EHBP1: variants seen among roughly 807,000 people sequenced by gnomAD.
EHBP1 encodes EH domain-binding protein 1.
Under a neutral mutation model 144.0 loss-of-function variants are expected in EHBP1, and 55 were observed. The ratio of observed to expected loss-of-function variants is 0.38; its 90% CI spans 0.31 to 0.48. The LOEUF (loss-of-function observed/expected upper bound fraction) is 0.48, where lower values mean the gene tolerates loss of function less well. EHBP1 is among the 20% of genes least tolerant of loss of function. The probability of loss-of-function intolerance (pLI) is 0.98; values close to 1 mark genes in which losing one functional copy is unlikely to be tolerated. For synonymous variants in EHBP1, 469 were observed against 472.7 expected (o/e 0.99, Z 0.10); for missense variants, 1,200 against 1,364.2 (o/e 0.88, Z 1.90).
intron 5 of EHBP1, among the ~76,000 whole-genome samples, chr2:62,792,234 A>G (rs1435458276): frequency 6.6e-6 from 1 of 152,054 alleles, no homozygotes; most frequent in Non-Finnish European, 1.5e-5. Context: ...ATGTATTTCC[A>G]GTTATGTGAG....
At chr2:62,707,432 C>CT (rs1290512699) in intron 2 of EHBP1, 137 bp downstream of exon 2, 29 of 643,972 alleles carry the variant, frequency 4.5e-5, no homozygotes, top group Non-Finnish European at 7.6e-5. Context: ...GCAGATAACT[C>CT]TAACAAGTAC....
chr2:62,910,841 C>A (rs2054159291), intron 10 of EHBP1, among the ~76,000 whole-genome samples: 1 of 152,152 alleles, frequency 6.6e-6, no homozygotes, highest in Non-Finnish European at 1.5e-5. Flanking sequence ...CTCAGTAATG[C>A]ATATTACCTT....
intron 19 of EHBP1, among the ~76,000 whole-genome samples, chr2:63,035,338 A>G (rs989076188): frequency 6.6e-6 from 1 of 152,066 alleles, no homozygotes; most frequent in Non-Finnish European, 1.5e-5. Flanking sequence ...GTGTCCTTAA[A>G]TATTTCTTAT....
At chr2:62,726,594 A>T (rs1203228266) in intron 2 of EHBP1, 1 of 151,930 alleles carries the variant, frequency 6.6e-6, no homozygotes, top group African/African-American at 2.4e-5. Flanking sequence ...ACTCTTACCC[A>T]TTAGTGTTAG....
At chr2:62,725,688 G>A (rs2036707725) in intron 2 of EHBP1, among the ~76,000 whole-genome samples, 1 of 152,198 alleles carries the variant, frequency 6.6e-6, no homozygotes, top group South Asian at 2.1e-4. Context: ...ATGGGGGATG[G>A]ACTGCACTTT....
chr2:62,841,422 A>G (rs1303465241), intron 7 of EHBP1, among the ~76,000 whole-genome samples: 2 of 151,888 alleles, frequency 1.3e-5, no homozygotes, highest in Non-Finnish European at 2.9e-5. Flanking sequence ...GTGCACCAGC[A>G]TGGCACATGT....
chr2:62,791,226 T>C (rs1428429571), intron 5 of EHBP1, among the ~76,000 whole-genome samples: 1 of 152,088 alleles, frequency 6.6e-6, no homozygotes, highest in Non-Finnish European at 1.5e-5. Flanking sequence ...CTTTTAAATG[T>C]TTGCTTTTTA....
At chr2:62,858,128 C>A (rs1299463741) in intron 7 of EHBP1, among the ~76,000 whole-genome samples, 5 of 152,036 alleles carry the variant, frequency 3.3e-5, no homozygotes, top group African/African-American at 1.2e-4. Flanking sequence ...CCAGTGTCAA[C>A]TTCTCGGGTT....
At chr2:62,974,732 A>G (rs2058641239) in intron 14 of EHBP1, among the ~76,000 whole-genome samples, 1 of 152,190 alleles carries the variant, frequency 6.6e-6, no homozygotes. Flanking sequence ...ATATCAAAAA[A>G]CATATAGCGT....
At chr2:62,790,390 C>T (rs2043094038) in intron 5 of EHBP1, among the ~76,000 whole-genome samples, 1 of 152,032 alleles carries the variant, frequency 6.6e-6, no homozygotes, top group African/African-American at 2.4e-5. Context: ...CCAGCAGTAC[C>T]TGTATCAGAT....
chr2:62,697,610 G>C (rs762299184), intron 1 of EHBP1, among the ~76,000 whole-genome samples: 7 of 152,152 alleles, frequency 4.6e-5, no homozygotes, highest in African/African-American at 1.7e-4. Context: ...AGCTCCAGGA[G>C]GACAGGGATT....
chr2:62,943,557 C>T (rs1460745578), intron 11 of EHBP1, among the ~76,000 whole-genome samples: 1 of 152,006 alleles, frequency 6.6e-6, no homozygotes, highest in Admixed American at 6.6e-5. Context: ...GTCTTTGGTC[C>T]CCTGCCTTAA....
At chr2:62,802,237 T>G (rs1359334271) in intron 5 of EHBP1, among the ~76,000 whole-genome samples, 2 of 152,210 alleles carry the variant, frequency 1.3e-5, no homozygotes, top group African/African-American at 4.8e-5. Context: ...GAACATTTTT[T>G]TCCCCGGGGG....
intron 5 of EHBP1, among the ~76,000 whole-genome samples, chr2:62,795,378 A>T (rs1395326762): frequency 6.6e-6 from 1 of 152,072 alleles, no homozygotes; most frequent in African/African-American, 2.4e-5. Flanking sequence ...TAATTATTTC[A>T]TGATTTATCA....
chr2:62,782,756 A>C (rs2042530286), intron 5 of EHBP1, among the ~76,000 whole-genome samples: 1 of 152,178 alleles, frequency 6.6e-6, no homozygotes, highest in African/African-American at 2.4e-5. Context: ...AGATTATTAC[A>C]ATTCAAGATA....
chr2:62,683,590 C>T (rs1161845679), intron 1 of EHBP1, among the ~76,000 whole-genome samples: 1 of 130,986 alleles, frequency 7.6e-6, no homozygotes, highest in African/African-American at 2.9e-5. Context: ...ATCCGGGAGA[C>T]GGAGGTTGCA....
chr2:62,752,531 C>T (rs1365170597), intron 3 of EHBP1, among the ~76,000 whole-genome samples: 4 of 152,038 alleles, frequency 2.6e-5, no homozygotes, highest in Non-Finnish European at 5.9e-5. Flanking sequence ...TCCTGGATAT[C>T]CTTGTTAACT....
At position 62,879,684 on chromosome 2, in the gene EHBP1, A is replaced by C. The variant is rs371332192; in HGVS notation, c.1185+5152A>C. On this transcript the variant is annotated intron_variant, in intron 10 of 22. Transcript: ENST00000431489. ...AAAGATCTCTATAATGAGAATTACA[A>C]AACACTGTTGAAAGAAATCAGAGAT... Among the ~76,000 whole-genome samples the C allele has an allele frequency of 2.0e-4, 30 of 152,188 alleles. No individual in the cohort carries two copies. In the East Asian group the frequency reaches 3.1e-3, roughly 16 times the overall value.
At chr2:62,917,477 C>A (rs912722015) in intron 10 of EHBP1, among the ~76,000 whole-genome samples, 4 of 152,008 alleles carry the variant, frequency 2.6e-5, no homozygotes, top group Non-Finnish European at 5.9e-5. Context: ...TGTGTGCGCA[C>A]ACACACATTT....
Sources: gnomAD v4.1 joint callset for allele counts (sites outside exome capture counted in the v4.1 genomes callset) on GRCh38, gnomAD v4.1.1 for gene constraint, MANE v1.5 for transcripts, NCBI Gene and HGNC (gene_info 2026-07-23, HGNC 2026-07-21) for gene names.